The following ANKRD31 variants were observed in gnomAD, a reference collection of about 807,000 sequenced individuals.
ANKRD31 encodes the protein ankyrin repeat domain 31.
A neutral mutation model predicts 186.0 loss-of-function variants in ANKRD31; 147 were observed. The observed-to-expected ratio is 0.79, with a 90% CI of 0.69 to 0.91. The LOEUF (loss-of-function observed/expected upper bound fraction) is 0.91. Ranked by LOEUF, ANKRD31 falls within the 40% of genes least tolerant of loss-of-function variation. ANKRD31 has a pLI of 0.00. For missense variants in ANKRD31, 1,986 were observed against 2,148.8 expected (o/e 0.92, Z 1.50); for synonymous variants, 673 against 736.4 (o/e 0.91, Z 1.39).
intron 10 of ANKRD31, among the ~76,000 whole-genome samples, chr5:75,182,018 G>A (rs1252712851): frequency 1.3e-5 from 2 of 152,020 alleles, no homozygotes; most frequent in Non-Finnish European, 2.9e-5. Flanking sequence ...ATTGATGGAT[G>A]GACAGAGAGA....
At chr5:75,090,394 C>T (rs1745834074) in intron 23 of ANKRD31, among the ~76,000 whole-genome samples, 1 of 152,008 alleles carries the variant, frequency 6.6e-6, no homozygotes, top group African/African-American at 2.4e-5. Context: ...AGGGTTGGGG[C>T]ACAGAATCTG....
intron 10 of ANKRD31, 77 bp downstream of exon 10, chr5:75,188,416 C>T (rs954992895): frequency 1.5e-6 from 2 of 1,369,618 alleles, no homozygotes; most frequent in Non-Finnish European, 9.6e-7. Flanking sequence ...GCTCACTTTG[C>T]TATACTTTCC....
chr5:75,227,522 A>G (rs1265270447), intron 2 of ANKRD31, among the ~76,000 whole-genome samples: 1 of 152,168 alleles, frequency 6.6e-6, no homozygotes, highest in South Asian at 2.1e-4. Flanking sequence ...TATACCCCAT[A>G]AATATATACA....
At chr5:75,137,673 A>G (rs759852213) in intron 17 of ANKRD31, among the ~76,000 whole-genome samples, 183 bp downstream of exon 17, 8 of 152,166 alleles carry the variant, frequency 5.3e-5, no homozygotes, top group Non-Finnish European at 1.2e-4. Context: ...GAAATGATTC[A>G]TTAGGATACA....
chr5:75,173,236 C>T (rs531401585), intron 10 of ANKRD31, among the ~76,000 whole-genome samples: 1 of 152,026 alleles, frequency 6.6e-6, no homozygotes, highest in African/African-American at 2.4e-5. Context: ...TGGGACGTAT[C>T]TCAAAATAGG....
At chr5:75,167,876 A>AG (rs1167121289) in intron 11 of ANKRD31, among the ~76,000 whole-genome samples, 2 of 152,166 alleles carry the variant, frequency 1.3e-5, no homozygotes, top group Non-Finnish European at 2.9e-5. Flanking sequence ...CTGGGAAGTG[A>AG]GGGAGCAAAT....
In ANKRD31 at chr5:75,147,380, A is replaced by T; in HGVS notation, c.2031T>A (p.Asp677Glu). The T allele has an allele frequency of 1.3e-6, 2 of 1,526,900 alleles. No homozygotes were observed. The highest frequency in any genetic ancestry group is 1.8e-6 in the Non-Finnish European group (2 of 1,142,716). The allele number at this position is 1,526,900 out of a possible 1,614,324, so 94.6% of individuals were successfully genotyped here. ...SKASLFINKE[D>E]VYEYYQKDPK... ...GATCTTTTTGGTAATATTCATATAC[A>T]TCTTCTTTATTTATAAATAAACTCG... The change falls in exon 14 of 26, where the codon GAT becomes GAA. Residue 677 changes from aspartate (D) to glutamate (E), a missense_variant. Coordinates refer to ENST00000506364, the MANE Select transcript of ANKRD31 (RefSeq NM_001372053.1).
intron 17 of ANKRD31, among the ~76,000 whole-genome samples, chr5:75,125,838 T>C (rs1034998125): frequency 6.6e-6 from 1 of 151,912 alleles, no homozygotes; most frequent in East Asian, 1.9e-4. Context: ...CATGATGGAG[T>C]GGGCCTGAGG....
chr5:75,155,684 G>A (rs1752117390), intron 11 of ANKRD31, among the ~76,000 whole-genome samples: 1 of 152,130 alleles, frequency 6.6e-6, no homozygotes, highest in South Asian at 2.1e-4. Context: ...CCATGTTAAT[G>A]TATGGAATGA....
chr5:75,170,829 T>A (rs956115291), intron 10 of ANKRD31, among the ~76,000 whole-genome samples: 1 of 152,118 alleles, frequency 6.6e-6, no homozygotes, highest in African/African-American at 2.4e-5. Context: ...GCTAGATGTC[T>A]ATATTAATAT....
chr5:75,156,435 T>C (rs566478605), intron 11 of ANKRD31, among the ~76,000 whole-genome samples: 4 of 152,308 alleles, frequency 2.6e-5, no homozygotes, highest in African/African-American at 4.8e-5. Flanking sequence ...AGAAAGGTAT[T>C]AAGTGGAAAG....
At chr5:75,169,206 C>T (rs1371603791) in intron 10 of ANKRD31, 85 bp from the exon 11 acceptor site, 1 of 1,421,362 alleles carries the variant, frequency 7.0e-7, no homozygotes, top group Non-Finnish European at 9.4e-7. Flanking sequence ...AACTTTGATT[C>T]TAAGTTCTTT....
intron 3 of ANKRD31, among the ~76,000 whole-genome samples, chr5:75,212,895 T>C (rs1207645716): frequency 6.6e-6 from 1 of 152,198 alleles, no homozygotes; most frequent in Admixed American, 6.5e-5. Flanking sequence ...TAGGCTGAAC[T>C]TGCAAGCATT....
At position 75,104,300 on chromosome 5, in the gene ANKRD31, A is replaced by G; in HGVS notation, c.5259T>C (p.Cys1753=). Residue 1753 remains cysteine (C), a synonymous_variant, in exon 22 of 26, where the codon TGT becomes TGC. Coordinates refer to ENST00000506364, the MANE Select transcript of ANKRD31 (RefSeq NM_001372053.1). ...LNYSTAPKKK[C]IQIKDLILLG... is the part of the protein sequence containing the mutation. ...GTAATATCAAATCTTTTATCTGAAT[A>G]CATTTCTTTTTAGGAGCTGTACTGT... 1 of 1,536,158 alleles carries G rather than the reference A, an allele frequency of 6.5e-7. No individual in the cohort carries two copies. The highest frequency in any genetic ancestry group is 8.7e-7 in the Non-Finnish European group (1 of 1,146,378).
chr5:75,203,598 G>T (rs188503223), intron 5 of ANKRD31, among the ~76,000 whole-genome samples: 19 of 151,040 alleles, frequency 1.3e-4, no homozygotes, highest in Non-Finnish European at 2.5e-4. Context: ...GGGAGGTGGA[G>T]GTTGCAGTGA....
At chr5:75,132,303 C>T (rs1313654797) in intron 17 of ANKRD31, among the ~76,000 whole-genome samples, 4 of 152,146 alleles carry the variant, frequency 2.6e-5, no homozygotes, top group African/African-American at 4.8e-5. Context: ...CTAGAATAAA[C>T]AGCATAGAGA....
At chr5:75,076,808 C>G (rs192943264) in intron 25 of ANKRD31, among the ~76,000 whole-genome samples, 4 of 152,208 alleles carry the variant, frequency 2.6e-5, no homozygotes, top group Admixed American at 2.6e-4. Flanking sequence ...TGGAAAATTC[C>G]AAGAGTTTTA....
intron 3 of ANKRD31, 25 bp from the exon 4 acceptor site, chr5:75,210,890 T>C: frequency 6.7e-7 from 1 of 1,484,854 alleles, no homozygotes; most frequent in Non-Finnish European, 8.9e-7. Context: ...AAAAGTTTTT[T>C]CCAACTGATA....
chr5:75,163,805 G>A (rs1752736879), intron 11 of ANKRD31, among the ~76,000 whole-genome samples: 1 of 152,180 alleles, frequency 6.6e-6, no homozygotes, highest in South Asian at 2.1e-4. Flanking sequence ...ATTTCCTTAA[G>A]GGGCCTACTG....
Sources: allele counts gnomAD v4.1 joint callset (sites outside exome capture counted in the v4.1 genomes callset), GRCh38; gene constraint gnomAD v4.1.1; transcripts MANE v1.5; gene names NCBI Gene and HGNC (gene_info 2026-07-23, HGNC 2026-07-21).